Variants in TADA1 observed in about 807,000 individuals in gnomAD.
TADA1 encodes the protein transcriptional adapter 1.
A neutral mutation model predicts 39.3 loss-of-function variants in TADA1; 23 were observed. The observed-to-expected ratio is 0.58, with a 90% CI of 0.42 to 0.83. TADA1 has a LOEUF of 0.83. Among genes scored for constraint, TADA1 ranks in the 40% least tolerant of loss-of-function variants. The pLI, the probability that TADA1 is intolerant of heterozygous loss-of-function variation, is 0.00. For missense variants in TADA1, 352 were observed against 408.1 expected, an observed-to-expected ratio of 0.86 and a Z score of 1.18; for synonymous variants, 137 against 151.8, an observed-to-expected ratio of 0.90 and a Z score of 0.72.
rs964254606 is a variant in TADA1, at chr1:166,876,078, G to A, written c.74+82C>T. The A allele has an allele frequency of 1.0e-4, 142 of 1,358,508 alleles. 1 individual carries two copies. The highest frequency in any genetic ancestry group is 9.8e-4 in the Admixed American group (39 of 39,644). 84.2% of individuals were successfully genotyped at this position (1,358,508 alleles called of 1,614,324 possible). A position where few individuals can be genotyped will look rare whatever the true frequency, so the allele number is the denominator to read the frequency against. On this transcript the variant is annotated intron_variant, in intron 1 of 7. Transcript: ENST00000367874. Reference sequence around the variant, plus strand: ...CTGCACAGGCCCCCGGGCGACGCGGGCGTCTCCGGGGCGGGCTGGCAGCCC... The same window carrying A: ...CTGCACAGGCCCCCGGGCGACGCGGACGTCTCCGGGGCGGGCTGGCAGCCC...
chr1:166,865,552 G>A (rs996084747), intron 3 of TADA1, among the ~76,000 whole-genome samples: 1 of 151,928 alleles, frequency 6.6e-6, no homozygotes, highest in African/African-American at 2.4e-5. Flanking sequence ...GGTGGCTCAA[G>A]CCTGTAATCC....
intron 7 of TADA1, 77 bp from the exon 8 acceptor site, chr1:166,857,796 C>A: frequency 6.9e-7 from 1 of 1,448,052 alleles, no homozygotes; most frequent in South Asian, 1.3e-5. Context: ...GGGTTTATAT[C>A]AACAAAACAT....
chr1:166,870,028 CCT>C (rs1235212276), intron 1 of TADA1, among the ~76,000 whole-genome samples, 174 bp from the exon 2 acceptor site: 1 of 152,076 alleles, frequency 6.6e-6, no homozygotes. Flanking sequence ...ACCTCAGCCC[CCT>C]GAGTAGCTGG....
chr1:166,866,484 C>A (rs1571240340), intron 3 of TADA1, among the ~76,000 whole-genome samples: 1 of 152,036 alleles, frequency 6.6e-6, no homozygotes, highest in African/African-American at 2.4e-5. Flanking sequence ...TAGAAAACAA[C>A]CCATCCAAAA....
At position 166,869,842 on chromosome 1, in the gene TADA1, G is replaced by A. The variant is rs1290828903; in HGVS notation, c.87C>T (p.Asn29=). ...TCTTCTGCTTGAACCACAGCTTTAG[G>A]TTAGCCCAGTATCTGCAGAGGCAGA... ...LGDNVKQYWA[N]LKLWFKQKIS... Residue 29 remains asparagine, a synonymous_variant, in exon 2 of 8, where the codon AAC becomes AAT. Transcript: ENST00000367874. The A allele has an allele frequency of 3.7e-6, 6 of 1,613,510 alleles. No individual in the cohort carries two copies. The highest frequency in any genetic ancestry group is 5.1e-6 in the Non-Finnish European group (6 of 1,179,946).
intron 4 of TADA1, 49 bp downstream of exon 4, chr1:166,863,775 G>A (rs763580123): frequency 5.9e-6 from 9 of 1,517,762 alleles, no homozygotes; most frequent in Non-Finnish European, 6.4e-6. Context: ...GTCCCAACAT[G>A]CCACTACTTC....
intron 3 of TADA1, among the ~76,000 whole-genome samples, chr1:166,864,795 AGG>A (rs967436615): frequency 1.2e-4 from 19 of 152,170 alleles, no homozygotes; most frequent in Non-Finnish European, 2.1e-4. Context: ...TAGCTAAGTC[AGG>A]GGGTTAGAAG....
Position 166,869,883 on chromosome 1 carries a change from C to T in TADA1, c.75-29G>A, listed in dbSNP as rs748897396. The T allele has an allele frequency of 3.8e-6, 6 of 1,580,458 alleles. No homozygotes were observed. The South Asian group carries it at 6.8e-5, about 18-fold the overall frequency. ...CAGAGGCAGAAACAATACTAAGAAC[C>T]ACAGATTTGGCTGCTTCTAGTTTTT... On this transcript the variant is annotated intron_variant, in intron 1 of 7. Coordinates refer to ENST00000367874, the MANE Select transcript of TADA1 (RefSeq NM_053053.4).
At chr1:166,873,733 T>C (rs1342747524) in intron 1 of TADA1, among the ~76,000 whole-genome samples, 2 of 152,216 alleles carry the variant, frequency 1.3e-5, no homozygotes, top group Non-Finnish European at 2.9e-5. Context: ...TCTCTTTTGA[T>C]TGCATTTTAG....
intron 1 of TADA1, among the ~76,000 whole-genome samples, chr1:166,873,126 T>C (rs1658690738): frequency 6.6e-6 from 1 of 151,130 alleles, no homozygotes; most frequent in Non-Finnish European, 1.5e-5. Flanking sequence ...CAAAAATGAG[T>C]CGGACATGGT....
At chr1:166,865,813 C>T (rs1167383126) in intron 3 of TADA1, among the ~76,000 whole-genome samples, 3 of 150,440 alleles carry the variant, frequency 2.0e-5, no homozygotes, top group Non-Finnish European at 3.0e-5. Context: ...AGTGAGACTC[C>T]GCCTCCAAAA....
intron 5 of TADA1, 80 bp downstream of exon 5, chr1:166,862,123 T>G: frequency 7.4e-7 from 1 of 1,346,496 alleles, no homozygotes; most frequent in Non-Finnish European, 1.1e-6. Flanking sequence ...TGGATTCTTT[T>G]CTTGCAATAC....
Position 166,876,155 on chromosome 1 carries a change from C to G in TADA1, c.74+5G>C, listed in dbSNP as rs749406199. The G allele has an allele frequency of 1.9e-6, 3 of 1,613,106 alleles. No individual in the cohort carries two copies. Among genetic ancestry groups the G allele is most frequent in the Admixed American group, 3.3e-5 (2 of 59,912 alleles). ...GCCTGGACGCTGTGCTAGGGCAGCT[C>G]TTACTGTTTCACGTTGTCCCCCAGG... On this transcript the variant is annotated splice_donor_5th_base_variant and intron_variant, in intron 1 of 7. Coordinates refer to ENST00000367874, the MANE Select transcript of TADA1 (RefSeq NM_053053.4).
Position 166,869,874 on chromosome 1 carries a change from A to C in TADA1, c.75-20T>G. On this transcript the variant is annotated intron_variant, in intron 1 of 7. Transcript: ENST00000367874. ...CAGTATCTGCAGAGGCAGAAACAAT[A>C]CTAAGAACCACAGATTTGGCTGCTT... 6.3e-7 allele frequency: 1 copy of C among 1,594,740 alleles called. No homozygotes were observed. Among genetic ancestry groups the C allele is most frequent in the South Asian group, 1.1e-5 (1 of 89,164 alleles).
At position 166,863,892 on chromosome 1, in the gene TADA1, C is replaced by T. The variant is rs768185283; in HGVS notation, c.262G>A (p.Gly88Ser). ...GGTTTTCCAGGTTTTGCTGCGGAAC[C>T]CCCTGGCCAAGGCAAAGATCCAGCA... ...DGAGSLPWPGGSAAKPGKPKG... is the reference protein window; with the variant it reads ...DGAGSLPWPGSSAAKPGKPKG... The change falls in exon 4 of 8, where the codon GGT (glycine) becomes AGT (serine). Residue 88 changes from glycine (G) to serine (S), a missense_variant. By Grantham distance (56) the Gly-to-Ser change is moderately conservative (BLOSUM62 0). Transcript: ENST00000367874. 1.2e-6 allele frequency: 2 copies of T among 1,610,918 alleles called. No homozygotes were observed. Among genetic ancestry groups the T allele is most frequent in the Non-Finnish European group, 1.7e-6 (2 of 1,179,324 alleles).
In TADA1 at chr1:166,857,604, T is replaced by C; in HGVS notation, c.971A>G (p.Gln324Arg). 1 of 1,614,214 alleles carries C rather than the reference T, an allele frequency of 6.2e-7. No homozygotes were observed. Among genetic ancestry groups the C allele is most frequent in the South Asian group, 1.1e-5 (1 of 91,082 alleles). ...AAGCCCCTCCTTGGCTGCCAAGCGC[T>C]GGCGGTGAACTTTGTCTTGCTGCAG... ...EELQQDKVHR[Q>R]RLAAKEGLLL... Residue 324 changes from glutamine (Q) to arginine (R), a missense_variant, in exon 8 of 8, where the codon CAG becomes CGG. Physicochemically the swap from Gln to Arg is conservative, Grantham distance 43. Transcript: ENST00000367874.
At position 166,866,193 on chromosome 1, in the gene TADA1, G is replaced by A. The variant is rs1029386996; in HGVS notation, c.233-2272C>T. ...GCTGCTGCGTGGCCAAGCGAAGCAC[G>A]CTAAGGCCTAACCCTGACAAAATGG... On this transcript the variant is annotated intron_variant, in intron 3 of 7. Transcript: ENST00000367874. 4.6e-5 allele frequency among the ~76,000 whole-genome samples: 7 copies of A among 152,352 alleles called. No individual in the cohort carries two copies. The South Asian group carries it at 6.2e-4, about 14-fold the overall frequency.
chr1:166,857,592 G>A lies in TADA1; in HGVS notation c.983C>T (p.Ala328Val). 2 of 1,614,116 alleles carry A rather than the reference G, an allele frequency of 1.2e-6. No individual in the cohort carries two copies. The highest frequency in any genetic ancestry group is 1.7e-6 in the Non-Finnish European group (2 of 1,180,030). The change falls in exon 8 of 8, where the codon GCC (alanine) becomes GTC (valine). Residue 328 changes from alanine to valine, a missense_variant. Physicochemically the swap from Ala to Val is moderately conservative, Grantham distance 64. Transcript: ENST00000367874. ...TTAGCACAGCAAAAGCCCCTCCTTG[G>A]CTGCCAAGCGCTGGCGGTGAACTTT... is the stretch of plus-strand genomic sequence containing the variant. ...QDKVHRQRLA[A>V]KEGLLLC
rs1658292948 is a variant in TADA1, at chr1:166,857,014, G to A, written c.*553C>T. ...AGAGCACTTCCAAGTCATATTTCCTGTGGAGTTATAGTGATAAATTTCTCA... is the reference window on the plus strand; with the variant it reads ...AGAGCACTTCCAAGTCATATTTCCTATGGAGTTATAGTGATAAATTTCTCA... On this transcript the variant is annotated 3_prime_UTR_variant, in exon 8 of 8. Coordinates refer to ENST00000367874, the MANE Select transcript of TADA1 (RefSeq NM_053053.4). The A allele has an allele frequency of 6.6e-6, 1 of 152,366 alleles. No individual in the cohort carries two copies. The highest frequency in any genetic ancestry group is 6.5e-5 in the Admixed American group (1 of 15,294). 9.4% of individuals were successfully genotyped at this position (152,366 alleles called of 1,614,324 possible).
Sources: allele counts gnomAD v4.1 joint callset (sites outside exome capture counted in the v4.1 genomes callset), GRCh38; gene constraint gnomAD v4.1.1; transcripts MANE v1.5; gene names NCBI Gene and HGNC (gene_info 2026-07-23, HGNC 2026-07-21).